PDE4D: variants seen among roughly 807,000 people sequenced by gnomAD.
PDE4D encodes the protein 3',5'-cyclic-AMP phosphodiesterase 4D.
Under a neutral mutation model 87.4 loss-of-function variants are expected in PDE4D, and 24 were observed. The ratio of observed to expected loss-of-function variants is 0.27; its 90% CI spans 0.20 to 0.39. PDE4D has a LOEUF of 0.39. Ranked by LOEUF, PDE4D falls within the 10% of genes least tolerant of loss-of-function variation. The probability of loss-of-function intolerance (pLI) is 1.00; values close to 1 mark genes in which losing one functional copy is unlikely to be tolerated. For synonymous variants in PDE4D, 384 were observed against 383.2 expected (o/e 1.00, Z -0.02); for missense variants, 714 against 1,041.0 (o/e 0.69, Z 4.32).
chr5:59,275,810 A>T, intron 1 of PDE4D: 1 of 987,190 alleles, frequency 1.0e-6, no homozygotes, highest in Non-Finnish European at 1.2e-6. Context: ...GCGCAGGTAG[A>T]GAGAGAGAAA....
intron 1 of PDE4D, among the ~76,000 whole-genome samples, chr5:59,671,078 A>T (rs1310222193): frequency 6.6e-6 from 1 of 152,236 alleles, no homozygotes; most frequent in Non-Finnish European, 1.5e-5. Flanking sequence ...ATGAGATATG[A>T]GTTCTGGTTA....
rs10037146 is a variant in PDE4D at position 60,215,241 on chromosome 5, A to C, written c.-89-29554T>G. On this transcript the variant is annotated intron_variant, in intron 1 of 16. Transcript: ENST00000502484. ...GACATTTGGTATCTGGTATATACAC[A>C]ACAAGAACACGTAAATAAAAGAAAA... Among the ~76,000 whole-genome samples the C allele has an allele frequency of 4.0e-3, 605 of 152,306 alleles. 3 individuals are homozygous for C. The highest frequency in any genetic ancestry group is 0.014 in the African/African-American group (571 of 41,568).
In PDE4D at chr5:59,588,795, T is replaced by C. The variant is rs142937930; in HGVS notation, c.455+304373A>G. ...CATAAAAGAATCTTGAGAATATTTGTTGAGATTTCCTGTAGCCTAGGCAGT... is the reference window on the plus strand; with the variant it reads ...CATAAAAGAATCTTGAGAATATTTGCTGAGATTTCCTGTAGCCTAGGCAGT... On this transcript the variant is annotated intron_variant, in intron 1 of 14. Coordinates refer to ENST00000340635, the MANE Select transcript of PDE4D (RefSeq NM_001104631.2). 4.6e-3 allele frequency among the ~76,000 whole-genome samples: 694 copies of C among 152,316 alleles called. 6 individuals carry two copies. Among genetic ancestry groups the C allele is most frequent in the African/African-American group, 0.015 (644 of 41,584 alleles).
chr5:59,656,942 C>A (rs749589296), intron 1 of PDE4D, among the ~76,000 whole-genome samples: 18 of 152,188 alleles, frequency 1.2e-4, no homozygotes, highest in Non-Finnish European at 2.2e-4. Context: ...TTTGTCATTT[C>A]AGTCTCTCAG....
intron 1 of PDE4D, among the ~76,000 whole-genome samples, chr5:60,464,806 A>G (rs942526416): frequency 4.6e-5 from 7 of 152,166 alleles, no homozygotes; most frequent in Non-Finnish European, 1.5e-5. Flanking sequence ...CTAAAAAATA[A>G]AAAAGCAAGG....
At chr5:59,045,628 G>A (rs907204575) in intron 5 of PDE4D, among the ~76,000 whole-genome samples, 1 of 151,836 alleles carries the variant, frequency 6.6e-6, no homozygotes, top group Non-Finnish European at 1.5e-5. Flanking sequence ...CCTTGCTTAG[G>A]GGAACAGATT....
rs1231267315 is a variant in PDE4D at position 59,050,441 on chromosome 5, G to A, written c.809-11470C>T. 2.0e-5 allele frequency among the ~76,000 whole-genome samples: 3 copies of A among 152,128 alleles called. No homozygotes were observed. In the East Asian group the frequency reaches 5.8e-4, roughly 29 times the overall value. On this transcript the variant is annotated intron_variant, in intron 5 of 14. Transcript: ENST00000340635. Reference sequence around the variant, plus strand: ...GAGTGATAAACTATTTTGGCCTACTGGTAAACCTACATTTGTTAACTGTGT... The same window carrying A: ...GAGTGATAAACTATTTTGGCCTACTAGTAAACCTACATTTGTTAACTGTGT...
chr5:59,069,742 C>CT (rs144799080), intron 5 of PDE4D, among the ~76,000 whole-genome samples: 11,001 of 152,008 alleles, frequency 0.072, 524 homozygotes, highest in Middle Eastern at 0.12. Flanking sequence ...AATAACTTTT[C>CT]TTGTTATGAG....
intron 1 of PDE4D, among the ~76,000 whole-genome samples, chr5:59,426,298 A>C (rs781168286): frequency 6.6e-6 from 1 of 152,192 alleles, no homozygotes; most frequent in Non-Finnish European, 1.5e-5. Flanking sequence ...CATTTGAGTA[A>C]ATTAATAGCT....
chr5:60,367,777 T>C (rs79291660), intron 1 of PDE4D, among the ~76,000 whole-genome samples: 1,807 of 152,304 alleles, frequency 0.012, 38 homozygotes, highest in African/African-American at 0.041. Flanking sequence ...TAATTTTTTC[T>C]GAGCCCATCA....
intron 2 of PDE4D, among the ~76,000 whole-genome samples, chr5:59,991,611 C>T (rs1036887933): frequency 2.0e-5 from 3 of 152,094 alleles, no homozygotes; most frequent in Non-Finnish European, 2.9e-5. Context: ...TAAACCTTAA[C>T]ACCACCTCCA....
intron 2 of PDE4D, among the ~76,000 whole-genome samples, chr5:60,009,381 T>G (rs1275117779): frequency 6.6e-6 from 1 of 152,052 alleles, no homozygotes; most frequent in Non-Finnish European, 1.5e-5. Context: ...ATTAATCAAT[T>G]GATTGATTCA....
At chr5:59,316,584 G>C (rs1038716284) in intron 1 of PDE4D, among the ~76,000 whole-genome samples, 1 of 152,142 alleles carries the variant, frequency 6.6e-6, no homozygotes, top group African/African-American at 2.4e-5. Flanking sequence ...TGTTCAGAAG[G>C]AGAAGTGGAA....
rs563608624 is a variant in PDE4D, at chr5:59,955,578, T to C, written c.272+32910A>G. On this transcript the variant is annotated intron_variant, in intron 3 of 16. Coordinates refer to the PDE4D transcript ENST00000502484. ...TACTCAGCTCCTCCTACTCCAAGCC[T>C]GAGGATTCCAACCAGTATAGCGAGG... 3.3e-5 allele frequency among the ~76,000 whole-genome samples: 5 copies of C among 152,310 alleles called. No homozygotes were observed. The South Asian group carries it at 8.3e-4, about 25-fold the overall frequency.
At chr5:60,346,139 G>A (rs1004738872) in intron 1 of PDE4D, among the ~76,000 whole-genome samples, 5 of 152,108 alleles carry the variant, frequency 3.3e-5, no homozygotes, top group African/African-American at 4.8e-5. Flanking sequence ...GTTTGTAATC[G>A]ATTTTGAATT....
chr5:59,834,215 T>G (rs1741671142), intron 1 of PDE4D, among the ~76,000 whole-genome samples: 1 of 152,036 alleles, frequency 6.6e-6, no homozygotes, highest in Admixed American at 6.6e-5. Flanking sequence ...AAATGATGAC[T>G]TTATTGAACA....
At chr5:60,449,095 A>T (rs1353631818) in intron 1 of PDE4D, among the ~76,000 whole-genome samples, 8 of 138,860 alleles carry the variant, frequency 5.8e-5, no homozygotes, top group Admixed American at 3.9e-4. Flanking sequence ...ACACACACAC[A>T]CACACGATCA....
At chr5:60,508,229 A>G (rs963902410) in intron 1 of PDE4D, among the ~76,000 whole-genome samples, 1 of 152,202 alleles carries the variant, frequency 6.6e-6, no homozygotes, top group Non-Finnish European at 1.5e-5. Flanking sequence ...GACCAGCCAA[A>G]ACCTTCTTTG....
At chr5:59,684,032 C>A (rs1241093566) in intron 1 of PDE4D, among the ~76,000 whole-genome samples, 1 of 152,154 alleles carries the variant, frequency 6.6e-6, no homozygotes, top group African/African-American at 2.4e-5. Flanking sequence ...CTATGACATG[C>A]AAGGCTCTCT....
Sources: gnomAD v4.1 joint callset for allele counts (sites outside exome capture counted in the v4.1 genomes callset) on GRCh38, gnomAD v4.1.1 for gene constraint, MANE v1.5 for transcripts, NCBI Gene and HGNC (gene_info 2026-07-23, HGNC 2026-07-21) for gene names.